Variants in FHIT observed in about 807,000 individuals in gnomAD.
FHIT encodes bis(5'-adenosyl)-triphosphatase.
In FHIT, 19 loss-of-function variants were observed where a neutral mutation model predicts 17.9. That is an observed-to-expected ratio of 1.06 (90% confidence interval 0.74 to 1.56). The LOEUF (loss-of-function observed/expected upper bound fraction) is 1.56, where lower values mean the gene tolerates loss of function less well. FHIT is among the 40% of genes most tolerant of loss of function. The probability of loss-of-function intolerance (pLI) is 0.00; values close to 1 mark genes in which losing one functional copy is unlikely to be tolerated. For synonymous variants in FHIT, 81 were observed against 69.7 expected, an observed-to-expected ratio of 1.16 and a Z score of -0.81; for missense variants, 248 against 189.2, an observed-to-expected ratio of 1.31 and a Z score of -1.82.
intron 5 of FHIT, among the ~76,000 whole-genome samples, chr3:60,031,211 G>A (rs991630898): frequency 3.9e-5 from 6 of 152,236 alleles, no homozygotes; most frequent in African/African-American, 1.4e-4. Context: ...GTTGAGGGAG[G>A]TGATTTCTCA....
intron 4 of FHIT, among the ~76,000 whole-genome samples, chr3:60,802,034 G>C (rs782331730): frequency 6.6e-6 from 1 of 152,178 alleles, no homozygotes; most frequent in Non-Finnish European, 1.5e-5. Flanking sequence ...CAACCTTCCT[G>C]TTTAACAGAG....
chr3:60,556,105 A>G (rs529399473), intron 4 of FHIT, among the ~76,000 whole-genome samples: 67 of 152,290 alleles, frequency 4.4e-4, no homozygotes, highest in African/African-American at 1.6e-3. Flanking sequence ...TCATTTTCTT[A>G]TAGCTACTTT....
intron 3 of FHIT, among the ~76,000 whole-genome samples, chr3:60,967,505 A>C (rs577216191): frequency 2.0e-5 from 3 of 152,212 alleles, no homozygotes; most frequent in Non-Finnish European, 4.4e-5. Context: ...AATATAGAAA[A>C]GTATATATAA....
chr3:60,807,031 G>A (rs572581161), intron 4 of FHIT, among the ~76,000 whole-genome samples: 14 of 152,252 alleles, frequency 9.2e-5, no homozygotes, highest in South Asian at 4.1e-4. Flanking sequence ...GGCTATTAGC[G>A]CCACTTCCAT....
At position 61,124,453 on chromosome 3, in the gene FHIT, T is replaced by C. The variant is rs117860304; in HGVS notation, c.-164+76164A>G. On this transcript the variant is annotated intron_variant, in intron 2 of 9. Transcript: ENST00000492590. ...TGGTGGTGGGATGGGGGTGTTCTAA[T>C]TGTAGTGTTTGTCAGTTTTCATGGT... is the stretch of plus-strand genomic sequence containing the variant. 1.4e-3 allele frequency among the ~76,000 whole-genome samples: 218 copies of C among 152,260 alleles called. 1 individual carries two copies. The highest frequency in any genetic ancestry group is 4.8e-3 in the East Asian group (25 of 5,182).
chr3:60,817,853 C>T (rs540826897), intron 4 of FHIT, among the ~76,000 whole-genome samples: 1 of 152,070 alleles, frequency 6.6e-6, no homozygotes, highest in Non-Finnish European at 1.5e-5. Context: ...TTTCTCTTCT[C>T]CTTCTGAGAC....
chr3:60,004,667 T>A (rs540900652), intron 7 of FHIT, among the ~76,000 whole-genome samples: 2 of 152,210 alleles, frequency 1.3e-5, no homozygotes. Context: ...CCTGGTCATA[T>A]GATATAATGA....
At chr3:60,235,767 G>A (rs527943106) in intron 5 of FHIT, among the ~76,000 whole-genome samples, 5 of 152,254 alleles carry the variant, frequency 3.3e-5, no homozygotes, top group South Asian at 2.1e-4. Flanking sequence ...GATTAAAGAG[G>A]ATGTAGTATG....
chr3:60,193,193 C>T (rs897480385), intron 5 of FHIT, among the ~76,000 whole-genome samples: 2 of 152,192 alleles, frequency 1.3e-5, no homozygotes, highest in African/African-American at 4.8e-5. Context: ...CTACTGTAAT[C>T]GTGCCCAAGC....
intron 8 of FHIT, among the ~76,000 whole-genome samples, chr3:59,909,481 C>T (rs1277861067): frequency 6.6e-6 from 1 of 152,162 alleles, no homozygotes; most frequent in East Asian, 1.9e-4. Flanking sequence ...GGGCACGCAC[C>T]ACCACACCTG....
intron 5 of FHIT, among the ~76,000 whole-genome samples, chr3:60,121,583 C>G (rs7636416): frequency 6.6e-6 from 1 of 151,804 alleles, no homozygotes; most frequent in Non-Finnish European, 1.5e-5. Flanking sequence ...GCTTAGGAGG[C>G]TGAGGCAGGA....
intron 5 of FHIT, among the ~76,000 whole-genome samples, chr3:60,377,472 T>TC (rs2107093844): frequency 1.0e-5 from 1 of 97,938 alleles, no homozygotes; most frequent in African/African-American, 5.0e-5. Context: ...TTCTTTTTTT[T>TC]TTTTTTTTTT....
chr3:60,276,186 CTG>C (rs1707124512), intron 5 of FHIT, among the ~76,000 whole-genome samples: 1 of 152,034 alleles, frequency 6.6e-6, no homozygotes, highest in Admixed American at 6.6e-5. Flanking sequence ...CCGGGTTTCA[CTG>C]TGTTAGCCAG....
chr3:60,706,170 A>G (rs2041366646), intron 4 of FHIT, among the ~76,000 whole-genome samples: 1 of 148,960 alleles, frequency 6.7e-6, no homozygotes, highest in African/African-American at 2.5e-5. Context: ...GTATGTTCTC[A>G]CTCATAAGTG....
chr3:59,903,683 T>A (rs73841803), intron 8 of FHIT, among the ~76,000 whole-genome samples: 2,742 of 152,012 alleles, frequency 0.018, 83 homozygotes, highest in African/African-American at 0.062. Flanking sequence ...CCTCGAGAAG[T>A]TTAAACAGAA....
chr3:61,020,204 T>C (rs1450782141), intron 3 of FHIT, among the ~76,000 whole-genome samples: 1 of 152,218 alleles, frequency 6.6e-6, no homozygotes, highest in African/African-American at 2.4e-5. Context: ...CACCTGTTGT[T>C]TCATGACTTT....
chr3:59,950,880 G>C (rs1001292628), intron 7 of FHIT, among the ~76,000 whole-genome samples: 2 of 152,186 alleles, frequency 1.3e-5, no homozygotes, highest in Non-Finnish European at 2.9e-5. Flanking sequence ...GAGACAATTT[G>C]ACAAGAGTCA....
intron 4 of FHIT, among the ~76,000 whole-genome samples, chr3:60,625,110 T>C (rs2039248931): frequency 6.6e-6 from 1 of 152,174 alleles, no homozygotes; most frequent in Non-Finnish European, 1.5e-5. Context: ...GGTTTCACCA[T>C]GTTGCCCAGA....
intron 2 of FHIT, among the ~76,000 whole-genome samples, chr3:61,140,781 TA>T (rs1432590186): frequency 1.3e-5 from 2 of 152,172 alleles, no homozygotes; most frequent in Non-Finnish European, 2.9e-5. Context: ...ACCAGTTCAT[TA>T]AAAATAGACT....
Sources: allele counts gnomAD v4.1 joint callset (sites outside exome capture counted in the v4.1 genomes callset), GRCh38; gene constraint gnomAD v4.1.1; transcripts MANE v1.5; gene names NCBI Gene and HGNC (gene_info 2026-07-23, HGNC 2026-07-21).